Variants in SRGAP2 observed in about 807,000 individuals in gnomAD.
The protein encoded by SRGAP2 is SLIT-ROBO Rho GTPase activating protein 2.
SRGAP2 carries 15 observed loss-of-function variants against 57.2 expected under a neutral mutation model. The ratio of observed to expected loss-of-function variants is 0.26; its 90% CI spans 0.18 to 0.40. The LOEUF is 0.40. Among genes scored for constraint, SRGAP2 ranks in the 10% least tolerant of loss-of-function variants. The pLI is 1.00. For missense variants in SRGAP2, 520 were observed against 669.6 expected (o/e 0.78, Z 2.47); for synonymous variants, 249 against 248.0 (o/e 1.00, Z -0.04).
chr1:206,292,051 T>C (rs1671357624), intron 2 of SRGAP2, among the ~76,000 whole-genome samples: 1 of 150,614 alleles, frequency 6.6e-6, no homozygotes, highest in Non-Finnish European at 1.5e-5. Context: ...GAAGCAGGAA[T>C]GGGGAGAAAG....
At chr1:206,386,747 C>T (rs1296126123) in intron 5 of SRGAP2, among the ~76,000 whole-genome samples, 1 of 140,764 alleles carries the variant, frequency 7.1e-6, no homozygotes, top group Admixed American at 7.1e-5. Flanking sequence ...TGCAGTGAGC[C>T]GAGATCGTGC....
chr1:206,442,307 G>A (rs1662377951), intron 17 of SRGAP2, among the ~76,000 whole-genome samples: 1 of 152,222 alleles, frequency 6.6e-6, no homozygotes, highest in Non-Finnish European at 1.5e-5. Context: ...GAACACCCCA[G>A]TGAGTCACAC....
chr1:206,289,227 G>A (rs1671172833), intron 2 of SRGAP2, among the ~76,000 whole-genome samples: 1 of 139,612 alleles, frequency 7.2e-6, no homozygotes, highest in Non-Finnish European at 1.5e-5. Flanking sequence ...AACAATAGCA[G>A]ATATAATTTA....
chr1:206,234,626 T>G (rs1413991494), intron 2 of SRGAP2, among the ~76,000 whole-genome samples: 1 of 152,232 alleles, frequency 6.6e-6, no homozygotes, highest in African/African-American at 2.4e-5. Context: ...CAGTGCTGCA[T>G]GGCTGACTCC....
At chr1:206,355,182 A>T (rs1338795389) in intron 4 of SRGAP2, among the ~76,000 whole-genome samples, 2 of 152,186 alleles carry the variant, frequency 1.3e-5, no homozygotes, top group African/African-American at 4.8e-5. Flanking sequence ...TTAATCTAGT[A>T]TTATTTTCTT....
intron 14 of SRGAP2, among the ~76,000 whole-genome samples, chr1:206,435,504 C>T (rs1553369714): frequency 6.6e-6 from 1 of 152,204 alleles, no homozygotes; most frequent in East Asian, 1.9e-4. Flanking sequence ...ACTGATGACA[C>T]ACTTGCTGGA....
At chr1:206,388,698 TATA>T (rs1656560159) in intron 5 of SRGAP2, among the ~76,000 whole-genome samples, 1 of 137,176 alleles carries the variant, frequency 7.3e-6, no homozygotes, top group South Asian at 2.8e-4. Context: ...CTTCTTGTTG[TATA>T]ATATTTCTTC....
intron 2 of SRGAP2, among the ~76,000 whole-genome samples, chr1:206,300,932 G>C (rs1352872660): frequency 1.5e-5 from 2 of 133,250 alleles, no homozygotes; most frequent in Admixed American, 7.3e-5. Flanking sequence ...AGGGGACTCA[G>C]AGGGACCTGA....
In SRGAP2 at chr1:206,429,521, C is replaced by A. The variant is rs566260279; in HGVS notation, c.1495-641C>A. On this transcript the variant is annotated intron_variant, in intron 13 of 22. Coordinates refer to ENST00000573034, the MANE Select transcript of SRGAP2 (RefSeq NM_015326.5). ...ACAGTCAGGGTTGAGGAGAACATACCCCCAGCAGGAGCAGCTCATGCAAAG... is the reference window on the plus strand; with the variant it reads ...ACAGTCAGGGTTGAGGAGAACATACACCCAGCAGGAGCAGCTCATGCAAAG... Among the ~76,000 whole-genome samples the A allele has an allele frequency of 3.3e-5, 5 of 152,182 alleles. No individual in the cohort carries two copies. The East Asian group carries it at 9.7e-4, about 29-fold the overall frequency.
At chr1:206,357,670 G>A (rs1253002872) in intron 4 of SRGAP2, among the ~76,000 whole-genome samples, 10 of 139,994 alleles carry the variant, frequency 7.1e-5, no homozygotes, top group African/African-American at 2.1e-4. Flanking sequence ...TGCAACCTCC[G>A]CCTCCCGGGT....
At position 206,458,812 on chromosome 1, in the gene SRGAP2, G is replaced by T. The variant is rs1553379459; in HGVS notation, c.2697G>T (p.Gly899=). The T allele has an allele frequency of 2.6e-6, 2 of 780,692 alleles. No homozygotes were observed. The highest frequency in any genetic ancestry group is 3.4e-5 in the African/African-American group (2 of 59,154). 48.4% of individuals were successfully genotyped at this position (780,692 alleles called of 1,614,324 possible). A position where few individuals can be genotyped will look rare whatever the true frequency, so the allele number is the denominator to read the frequency against. ...GPDKCSISGH[G]SLNSISRHSS... ...ATAAGTGTTCCATCAGTGGGCACGG[G>T]AGCCTCAACTCCATCAGCCGCCACT... is the stretch of plus-strand genomic sequence containing the variant. The change falls in exon 22 of 23, where the codon GGG becomes GGT. Residue 899 remains glycine (G), a synonymous_variant. Transcript: ENST00000573034.
At chr1:206,398,333 G>A (rs1443343612) in intron 7 of SRGAP2, among the ~76,000 whole-genome samples, 2 of 151,366 alleles carry the variant, frequency 1.3e-5, no homozygotes, top group African/African-American at 4.9e-5. Flanking sequence ...CAGGTATATA[G>A]ATAGTCAAGA....
chr1:206,255,249 G>C (rs1248203416), intron 2 of SRGAP2, among the ~76,000 whole-genome samples: 1 of 151,298 alleles, frequency 6.6e-6, no homozygotes, highest in East Asian at 2.0e-4. Flanking sequence ...GGCCTGTCTC[G>C]TCAGGTTGGT....
At chr1:206,214,982 T>C (rs1666559754) in intron 2 of SRGAP2, 2 of 150,936 alleles carry the variant, frequency 1.3e-5, no homozygotes, top group Admixed American at 1.3e-4. Flanking sequence ...GGAATATTTG[T>C]ATTTCATTCT....
intron 4 of SRGAP2, among the ~76,000 whole-genome samples, chr1:206,373,099 CT>C (rs1192726235): frequency 7.1e-4 from 47 of 66,434 alleles, no homozygotes; most frequent in East Asian, 2.1e-3. Flanking sequence ...CTTTTTTTTT[CT>C]TTTTTTTTTT....
chr1:206,458,582 G>T, intron 21 of SRGAP2, 41 bp from the exon 22 acceptor site: 1 of 684,702 alleles, frequency 1.5e-6, no homozygotes. Context: ...CTTGGAGCCA[G>T]GGCTCCCTGA....
chr1:206,373,117 T>TTTC (rs1418361459), intron 4 of SRGAP2, among the ~76,000 whole-genome samples: 68 of 126,122 alleles, frequency 5.4e-4, no homozygotes, highest in African/African-American at 9.7e-4. Flanking sequence ...TTTTTTTTTT[T>TTTC]CTGAGTCTTG....
intron 4 of SRGAP2, among the ~76,000 whole-genome samples, chr1:206,354,114 T>C (rs1186255924): frequency 1.3e-5 from 2 of 152,208 alleles, no homozygotes; most frequent in Non-Finnish European, 2.9e-5. Context: ...GTTTGCTATT[T>C]TTAACATTGA....
chr1:206,454,830 T>G lies in SRGAP2; in HGVS notation c.2361-48T>G, dbSNP rs782144906. 8.4e-6 allele frequency: 6 copies of G among 715,060 alleles called. No homozygotes were observed. The highest frequency in any genetic ancestry group is 3.2e-5 in the South Asian group (2 of 63,284). 44.3% of individuals were successfully genotyped at this position (715,060 alleles called of 1,614,324 possible). ...TGCCGATTTAACGCTGCTTTTTGTG[T>G]TGTTGTTGTTTTCCCTCCTCCCTGC... On this transcript the variant is annotated intron_variant, in intron 20 of 22. Transcript: ENST00000573034. The surrounding 1 kb of genome is among the most constrained non-coding windows in gnomAD (Gnocchi z 4.3).
Sources: gnomAD v4.1 joint callset for allele counts (sites outside exome capture counted in the v4.1 genomes callset) on GRCh38, gnomAD v4.1.1 for gene constraint, Gnocchi (gnomAD v3.1) non-coding constraint, MANE v1.5 for transcripts, NCBI Gene and HGNC (gene_info 2026-07-23, HGNC 2026-07-21) for gene names.